NKAIN3: variants seen among roughly 807,000 people sequenced by gnomAD.
NKAIN3 encodes the protein sodium/potassium-transporting ATPase subunit beta-1-interacting protein 3.
In NKAIN3, 25 loss-of-function variants were observed where a neutral mutation model predicts 30.2. The observed-to-expected ratio is 0.83, with a 90% CI of 0.60 to 1.16. The LOEUF (loss-of-function observed/expected upper bound fraction) is 1.16. Among genes scored for constraint, NKAIN3 ranks in the 50% most tolerant of loss-of-function variants. NKAIN3 has a pLI of 0.00. For synonymous variants in NKAIN3, 91 were observed against 89.6 expected (o/e 1.02, Z -0.09); for missense variants, 225 against 254.1 (o/e 0.89, Z 0.78).
At chr8:62,943,307 A>T (rs1585604993) in intron 5 of NKAIN3, among the ~76,000 whole-genome samples, 2 of 152,234 alleles carry the variant, frequency 1.3e-5, no homozygotes, top group African/African-American at 2.4e-5. Flanking sequence ...CTCACTGATT[A>T]TCAGGGAAAT....
chr8:62,288,566 TA>T, intron 1 of NKAIN3, among the ~76,000 whole-genome samples: 1 of 152,330 alleles, frequency 6.6e-6, no homozygotes, highest in Non-Finnish European at 1.5e-5. Flanking sequence ...ATAAAGGACA[TA>T]AACTCATCCT....
chr8:62,873,275 C>G (rs2130804399), intron 4 of NKAIN3, among the ~76,000 whole-genome samples: 1 of 152,108 alleles, frequency 6.6e-6, no homozygotes, highest in South Asian at 2.1e-4. Flanking sequence ...AATAATTCAA[C>G]AAGAAGAGCT....
rs373868190 is a variant in NKAIN3 at position 62,510,523 on chromosome 8, T to C, written c.55-69016T>C. On this transcript the variant is annotated intron_variant, in intron 1 of 6. Transcript: ENST00000623646. ...GGTCAATCGCTGGGAAGGTGATGGGTTTGTTACGATTTTCTGGGATTAACT... is the reference window on the plus strand; with the variant it reads ...GGTCAATCGCTGGGAAGGTGATGGGCTTGTTACGATTTTCTGGGATTAACT... 1.3e-4 allele frequency among the ~76,000 whole-genome samples: 20 copies of C among 152,020 alleles called. No individual in the cohort carries two copies. The East Asian group carries it at 1.7e-3, about 13-fold the overall frequency.
At chr8:62,957,723 T>C (rs867035119) in intron 6 of NKAIN3, among the ~76,000 whole-genome samples, 67 of 152,248 alleles carry the variant, frequency 4.4e-4, no homozygotes, top group African/African-American at 1.4e-3. Flanking sequence ...GAGACACGAA[T>C]AGGCAAAGAC....
At chr8:62,518,354 AAAACAAAC>A (rs1162092246) in intron 1 of NKAIN3, among the ~76,000 whole-genome samples, 1 of 152,120 alleles carries the variant, frequency 6.6e-6, no homozygotes, top group African/African-American at 2.4e-5. Context: ...TCCATCTCAA[AAAACAAAC>A]AAACAAAAAA....
intron 5 of NKAIN3, among the ~76,000 whole-genome samples, chr8:62,934,379 TAAA>T (rs5891885): frequency 1.7e-4 from 25 of 150,886 alleles, no homozygotes; most frequent in South Asian, 4.2e-4. Context: ...CCCTGTCTCT[TAAA>T]AAAAAAAAAT....
intron 1 of NKAIN3, among the ~76,000 whole-genome samples, chr8:62,253,554 G>A (rs1360006532): frequency 6.6e-6 from 1 of 152,152 alleles, no homozygotes; most frequent in Non-Finnish European, 1.5e-5. Flanking sequence ...GGGAGACAGA[G>A]TGACACTCTC....
chr8:62,446,964 C>T (rs185645366), intron 1 of NKAIN3, among the ~76,000 whole-genome samples: 5 of 151,986 alleles, frequency 3.3e-5, no homozygotes, highest in Admixed American at 3.3e-4. Context: ...GATTTGAGTA[C>T]CTAAAACAAA....
chr8:62,709,122 G>A (rs2130488482), intron 3 of NKAIN3, among the ~76,000 whole-genome samples: 1 of 152,208 alleles, frequency 6.6e-6, no homozygotes, highest in East Asian at 1.9e-4. Context: ...GATTCAGTTA[G>A]CTAGTATTTT....
intron 1 of NKAIN3, among the ~76,000 whole-genome samples, chr8:62,291,944 G>C (rs920614867): frequency 2.7e-4 from 41 of 152,118 alleles, no homozygotes; most frequent in African/African-American, 9.4e-4. Flanking sequence ...TATATATTTA[G>C]GATAGTTATC....
chr8:62,816,096 T>G (rs1031280943), intron 4 of NKAIN3, among the ~76,000 whole-genome samples: 9 of 152,166 alleles, frequency 5.9e-5, no homozygotes, highest in African/African-American at 2.2e-4. Flanking sequence ...TTCCTTGCTT[T>G]TTAATATTTC....
intron 1 of NKAIN3, among the ~76,000 whole-genome samples, chr8:62,346,895 G>A (rs1353100676): frequency 6.6e-6 from 1 of 152,104 alleles, no homozygotes; most frequent in African/African-American, 2.4e-5. Flanking sequence ...AGGAGCAAAT[G>A]AATGACATAA....
At chr8:62,783,068 T>C (rs183965482) in intron 4 of NKAIN3, among the ~76,000 whole-genome samples, 2 of 151,994 alleles carry the variant, frequency 1.3e-5, no homozygotes, top group East Asian at 1.9e-4. Context: ...AAAAACATTA[T>C]GTATTAATAA....
rs74412928 is a variant in NKAIN3, at chr8:62,784,149, T to G, written c.471+37020T>G. ...GCTAACACAGTTATGAGAGGTAAAT[T>G]GACAGTTATAAATGGACATATTAGA... On this transcript the variant is annotated intron_variant, in intron 4 of 6. Coordinates refer to ENST00000623646, the MANE Select transcript of NKAIN3 (RefSeq NM_001304533.3). Among the ~76,000 whole-genome samples the G allele has an allele frequency of 2.8e-4, 42 of 152,114 alleles. No homozygotes were observed. The East Asian group carries it at 7.8e-3, about 28-fold the overall frequency.
intron 4 of NKAIN3, among the ~76,000 whole-genome samples, chr8:62,775,624 G>A (rs1449271104): frequency 6.6e-6 from 1 of 151,872 alleles, no homozygotes; most frequent in East Asian, 1.9e-4. Context: ...TTTGATTCAA[G>A]AATTTAAATT....
At chr8:62,560,823 G>A (rs1407352400) in intron 1 of NKAIN3, among the ~76,000 whole-genome samples, 1 of 152,038 alleles carries the variant, frequency 6.6e-6, no homozygotes, top group Admixed American at 6.6e-5. Flanking sequence ...TTACAGGGGT[G>A]AGCCATCACG....
rs1325081154 is a variant in NKAIN3, at chr8:62,383,662, T to C, written c.54+134535T>C. ...AAACCATTCTTTTCTGGCATTAAAT[T>C]CTCCAACTTTCGGTCCTTCACCATC... On this transcript the variant is annotated intron_variant, in intron 1 of 6. Coordinates refer to ENST00000623646, the MANE Select transcript of NKAIN3 (RefSeq NM_001304533.3). 4 of 392,010 alleles carry C rather than the reference T, an allele frequency of 1.0e-5. No homozygotes were observed. In the East Asian group the frequency reaches 2.9e-4, roughly 28 times the overall value. 24.3% of individuals were successfully genotyped at this position (392,010 alleles called of 1,614,324 possible).
intron 5 of NKAIN3, among the ~76,000 whole-genome samples, chr8:62,923,362 A>T (rs1027299892): frequency 6.6e-6 from 1 of 152,096 alleles, no homozygotes; most frequent in Non-Finnish European, 1.5e-5. Flanking sequence ...TGTTGAGTTT[A>T]TAGTGTTAAA....
chr8:62,961,283 A>AT (rs1056472549), intron 6 of NKAIN3, among the ~76,000 whole-genome samples: 80 of 151,652 alleles, frequency 5.3e-4, no homozygotes, highest in Non-Finnish European at 8.5e-4. Context: ...CTGTCTCAAA[A>AT]AAAAAAAAAA....
Sources: gnomAD v4.1 joint callset for allele counts (sites outside exome capture counted in the v4.1 genomes callset) on GRCh38, gnomAD v4.1.1 for gene constraint, MANE v1.5 for transcripts, NCBI Gene and HGNC (gene_info 2026-07-23, HGNC 2026-07-21) for gene names.